Variants in APBA2 observed in about 807,000 individuals in gnomAD.
The protein encoded by APBA2 is amyloid-beta A4 precursor protein-binding family A member 2.
APBA2 carries 30 observed loss-of-function variants against 75.0 expected under a neutral mutation model. The ratio of observed to expected loss-of-function variants is 0.40; its 90% CI spans 0.30 to 0.54. The LOEUF is 0.54. Among genes scored for constraint, APBA2 ranks in the 20% least tolerant of loss-of-function variants. The pLI is 0.49. For synonymous variants in APBA2, 444 were observed against 409.6 expected, an observed-to-expected ratio of 1.08 and a Z score of -1.01; for missense variants, 801 against 1,016.1, an observed-to-expected ratio of 0.79 and a Z score of 2.88.
At chr15:28,940,295 G>A (rs1284898768) in intron 2 of APBA2, among the ~76,000 whole-genome samples, 1 of 140,606 alleles carries the variant, frequency 7.1e-6, no homozygotes, top group African/African-American at 2.7e-5. Flanking sequence ...GGTGGATCAT[G>A]AGGTCAGGAG....
chr15:28,984,577 C>T (rs1340048041), intron 2 of APBA2, among the ~76,000 whole-genome samples: 8 of 151,996 alleles, frequency 5.3e-5, no homozygotes, highest in South Asian at 2.1e-4. Context: ...TGGAGGGGCG[C>T]GCTGTGGTTA....
chr15:28,945,511 C>T (rs2152712352), intron 2 of APBA2, among the ~76,000 whole-genome samples: 1 of 144,398 alleles, frequency 6.9e-6, no homozygotes, highest in East Asian at 2.2e-4. Flanking sequence ...ATCAGGATCC[C>T]CGCTCATTGA....
intron 4 of APBA2, among the ~76,000 whole-genome samples, chr15:29,067,605 GC>G (rs2042433759): frequency 6.6e-6 from 1 of 152,206 alleles, no homozygotes; most frequent in Non-Finnish European, 1.5e-5. Context: ...TTGTGGTCAT[GC>G]CTTGTGAGTG....
At chr15:29,068,688 C>T (rs2042484832) in intron 4 of APBA2, among the ~76,000 whole-genome samples, 1 of 152,200 alleles carries the variant, frequency 6.6e-6, no homozygotes, top group Non-Finnish European at 1.5e-5. Flanking sequence ...TGACCCACCC[C>T]CTCCCCTGGA....
intron 1 of APBA2, among the ~76,000 whole-genome samples, chr15:28,904,279 G>C (rs2033027236): frequency 6.6e-6 from 1 of 152,080 alleles, no homozygotes; most frequent in South Asian, 2.1e-4. Flanking sequence ...TCTCCTGGAC[G>C]GTATATGAGG....
intron 2 of APBA2, among the ~76,000 whole-genome samples, chr15:28,930,228 C>T (rs903728921): frequency 4.6e-5 from 7 of 152,090 alleles, no homozygotes; most frequent in African/African-American, 1.7e-4. Flanking sequence ...CAGAAGAAGG[C>T]CCAGTTTCAG....
At chr15:28,970,972 C>G (rs1016413200) in intron 2 of APBA2, among the ~76,000 whole-genome samples, 1 of 152,122 alleles carries the variant, frequency 6.6e-6, no homozygotes, top group African/African-American at 2.4e-5. Flanking sequence ...GCTGTTGTGC[C>G]TTGATGTCTC....
intron 6 of APBA2, among the ~76,000 whole-genome samples, chr15:29,083,612 C>T (rs1351137179): frequency 6.6e-6 from 1 of 152,132 alleles, no homozygotes; most frequent in Non-Finnish European, 1.5e-5. Flanking sequence ...CTCACTGCAA[C>T]CTTCGCCTTC....
In APBA2 at chr15:29,051,065, A is replaced by G. The variant is rs2041572487; in HGVS notation, c.-40-2780A>G. 2.6e-5 allele frequency among the ~76,000 whole-genome samples: 4 copies of G among 152,248 alleles called. No homozygotes were observed. In the South Asian group the frequency reaches 8.3e-4, roughly 32 times the overall value. The stretch of plus-strand genomic sequence containing the variant: ...CCGTTTTGAGGAATGTAGTTACTGG[A>G]GATTGTGTCTGAGAGTTGTGGTTGC... On this transcript the variant is annotated intron_variant, in intron 3 of 14. Coordinates refer to ENST00000683413, the MANE Select transcript of APBA2 (RefSeq NM_001353788.2).
chr15:28,982,435 AAGTCCAG>A (rs2037675377), intron 2 of APBA2, among the ~76,000 whole-genome samples: 1 of 152,206 alleles, frequency 6.6e-6, no homozygotes, highest in Non-Finnish European at 1.5e-5. Context: ...TGTCATTGGA[AAGTCCAG>A]AATACCTGGT....
rs561997719 is a variant in APBA2 at position 28,898,090 on chromosome 15, G to A, written c.-205+11812G>A. Among the ~76,000 whole-genome samples the A allele has an allele frequency of 1.2e-4, 18 of 152,296 alleles. No homozygotes were observed. In the South Asian group the frequency reaches 3.5e-3, roughly 30 times the overall value. On this transcript the variant is annotated intron_variant, in intron 1 of 14. Coordinates refer to ENST00000683413, the MANE Select transcript of APBA2 (RefSeq NM_001353788.2). ...AGCTGGGAGAAACTGGACAGGGCCA[G>A]GTAAAGGATTCTCCCCTGGTGCCTC...
chr15:29,000,927 T>C (rs1255641833), intron 3 of APBA2, among the ~76,000 whole-genome samples: 1 of 152,194 alleles, frequency 6.6e-6, no homozygotes, highest in Non-Finnish European at 1.5e-5. Context: ...TGGCTCTGCC[T>C]CTTGAACTGC....
rs1162217625 is a variant in APBA2 at position 28,926,289 on chromosome 15, C to T, written c.-95+4540C>T. Reference sequence around the variant, plus strand: ...TTCAATGGACCATTTTATGTGATGCCATTTTATCTCCTTTCATAGTGTATC... The same window carrying T: ...TTCAATGGACCATTTTATGTGATGCTATTTTATCTCCTTTCATAGTGTATC... On this transcript the variant is annotated intron_variant, in intron 2 of 14. Coordinates refer to ENST00000683413, the MANE Select transcript of APBA2 (RefSeq NM_001353788.2). Among the ~76,000 whole-genome samples the T allele has an allele frequency of 5.3e-5, 8 of 152,180 alleles. No individual in the cohort carries two copies. In the South Asian group the frequency reaches 1.7e-3, roughly 32 times the overall value.
intron 2 of APBA2, chr15:28,961,216 G>T (rs1345810649): frequency 6.6e-6 from 1 of 152,230 alleles, no homozygotes; most frequent in African/African-American, 2.4e-5. Context: ...ACAGTGTGCT[G>T]ACTGACGGAA....
intron 2 of APBA2, among the ~76,000 whole-genome samples, chr15:28,982,106 A>G (rs1018222244): frequency 6.6e-6 from 1 of 152,214 alleles, no homozygotes; most frequent in African/African-American, 2.4e-5. Flanking sequence ...GCATCACACA[A>G]TATACCCAGG....
intron 13 of APBA2, among the ~76,000 whole-genome samples, chr15:29,111,526 A>G (rs1018661331): frequency 6.6e-6 from 1 of 152,156 alleles, no homozygotes; most frequent in African/African-American, 2.4e-5. Context: ...GTGATCCAGA[A>G]AATGGCATGC....
At chr15:29,036,028 TG>T (rs760495368) in intron 3 of APBA2, among the ~76,000 whole-genome samples, 17 of 152,076 alleles carry the variant, frequency 1.1e-4, no homozygotes, top group Non-Finnish European at 2.1e-4. Context: ...CCCCCTTACC[TG>T]GCCCTGGCTG....
At chr15:29,107,279 C>T (rs572833506) in intron 12 of APBA2, among the ~76,000 whole-genome samples, 24 of 152,280 alleles carry the variant, frequency 1.6e-4, no homozygotes, top group South Asian at 6.2e-4. Flanking sequence ...CCACCCTGAC[C>T]GTCAGACTCG....
intron 7 of APBA2, among the ~76,000 whole-genome samples, 186 bp downstream of exon 7, chr15:29,093,406 C>T (rs1343089861): frequency 6.6e-6 from 1 of 152,204 alleles, no homozygotes; most frequent in African/African-American, 2.4e-5. Flanking sequence ...AGAAAGCTGG[C>T]TGGGCAGAGG....
Sources: allele counts gnomAD v4.1 joint callset (sites outside exome capture counted in the v4.1 genomes callset), GRCh38; gene constraint gnomAD v4.1.1; transcripts MANE v1.5; gene names NCBI Gene and HGNC (gene_info 2026-07-23, HGNC 2026-07-21).